MYL12A: variants seen among roughly 807,000 people sequenced by gnomAD.
The protein encoded by MYL12A is myosin light chain 12A, also known as myosin regulatory light chain 12A.
Under a neutral mutation model 13.3 loss-of-function variants are expected in MYL12A, and 11 were observed. The ratio of observed to expected loss-of-function variants is 0.83; its 90% CI spans 0.52 to 1.37. The LOEUF (loss-of-function observed/expected upper bound fraction) is 1.37. MYL12A is among the 40% of genes most tolerant of loss of function. The pLI is 0.00. For missense variants in MYL12A, 146 were observed against 212.3 expected (o/e 0.69, Z 1.94); for synonymous variants, 51 against 69.9 (o/e 0.73, Z 1.35).
chr18:3,254,100 G>A (rs1182459207), intron 3 of MYL12A, 50 bp downstream of exon 3: 3 of 1,570,838 alleles, frequency 1.9e-6, no homozygotes, highest in Non-Finnish European at 1.7e-6. Flanking sequence ...TTTTAGTTAT[G>A]GTAACTAAAA....
At position 3,248,610 on chromosome 18, in the gene MYL12A, T is replaced by G. The variant is rs372824562; in HGVS notation, c.-16+701T>G. 82 of 152,376 alleles carry G rather than the reference T, an allele frequency of 5.4e-4. 1 individual carries two copies. The highest frequency in any genetic ancestry group is 1.9e-3 in the African/African-American group (77 of 41,594). 9.4% of individuals were successfully genotyped at this position (152,376 alleles called of 1,614,324 possible). A position where few individuals can be genotyped will look rare whatever the true frequency, so the allele number is the denominator to read the frequency against. ...AACTTAAGTGCAAAAAGTTTCATATTTAAAGGCGAATAAAGCGAATATTTC... is the reference window on the plus strand; with the variant it reads ...AACTTAAGTGCAAAAAGTTTCATATGTAAAGGCGAATAAAGCGAATATTTC... On this transcript the variant is annotated intron_variant, in intron 1 of 3. Coordinates refer to ENST00000217652, the MANE Select transcript of MYL12A (RefSeq NM_006471.4).
rs756281782 is a variant in MYL12A at position 3,252,286 on chromosome 18, G to A, written c.-15-947G>A. The A allele has an allele frequency of 2.0e-6, 3 of 1,522,372 alleles. No homozygotes were observed. The South Asian group carries it at 3.6e-5, about 18-fold the overall frequency. The allele number at this position is 1,522,372 out of a possible 1,614,324, so 94.3% of individuals were successfully genotyped here. On this transcript the variant is annotated intron_variant, in intron 1 of 3. Coordinates refer to ENST00000217652, the MANE Select transcript of MYL12A (RefSeq NM_006471.4). ...AGTGTCTTACTTTTGCTGCTGAGCG[G>A]TTTTGCAGACTACCATCTTCCCTGC...
chr18:3,253,916 A>G lies in MYL12A; in HGVS notation c.209A>G (p.Asp70Gly). The G allele has an allele frequency of 6.2e-7, 1 of 1,610,514 alleles. No homozygotes were observed. The highest frequency in any genetic ancestry group is 8.5e-7 in the Non-Finnish European group (1 of 1,179,182). ...LGKNPTDEYL[D>G]AMMNEAPGPI... ...AAGAATCCAACTGATGAGTATCTAGATGCCATGATGAATGAGGCTCCAGGC... is the reference window on the plus strand; with the variant it reads ...AAGAATCCAACTGATGAGTATCTAGGTGCCATGATGAATGAGGCTCCAGGC... The change falls in exon 3 of 4, where the codon GAT becomes GGT. Residue 70 changes from aspartate (D) to glycine (G), a missense_variant. Coordinates refer to ENST00000217652, the MANE Select transcript of MYL12A (RefSeq NM_006471.4).
intron 2 of MYL12A, 111 bp downstream of exon 2, chr18:3,253,539 G>T: frequency 7.5e-7 from 1 of 1,341,028 alleles, no homozygotes; most frequent in Non-Finnish European, 1.0e-6. Flanking sequence ...GTCTACTAAG[G>T]TTTGAGTAAA....
At chr18:3,253,748 TC>T (rs1567984411) in intron 2 of MYL12A, 140 bp from the exon 3 acceptor site, 2 of 962,532 alleles carry the variant, frequency 2.1e-6, no homozygotes, top group Non-Finnish European at 1.5e-6. Context: ...AAGAAAACTT[TC>T]CCCCCAAATA....
At chr18:3,248,461 A>AT (rs1005240075) in intron 1 of MYL12A, 4 of 152,148 alleles carry the variant, frequency 2.6e-5, no homozygotes, top group Admixed American at 2.6e-4. Flanking sequence ...ACCTTGTCCC[A>AT]TTTGGGGGGA....
In MYL12A at chr18:3,256,005, T is replaced by A; in HGVS notation, c.*87T>A. 3 of 1,497,640 alleles carry A rather than the reference T, an allele frequency of 2.0e-6. No individual in the cohort carries two copies. Among genetic ancestry groups the A allele is most frequent in the Non-Finnish European group, 2.7e-6 (3 of 1,108,740 alleles). The allele number at this position is 1,497,640 out of a possible 1,614,324, so 92.8% of individuals were successfully genotyped here. A position where few individuals can be genotyped will look rare whatever the true frequency, so the allele number is the denominator to read the frequency against. On this transcript the variant is annotated 3_prime_UTR_variant, in exon 4 of 4. Transcript: ENST00000217652. ...CTTGCATGCCCTTAGCTTTACAGCTTTTGCATTTCCTGTTGTATTTATTCT... is the reference window on the plus strand; with the variant it reads ...CTTGCATGCCCTTAGCTTTACAGCTATTGCATTTCCTGTTGTATTTATTCT...
At chr18:3,253,585 A>AT in intron 2 of MYL12A, 157 bp downstream of exon 2, 1 of 937,000 alleles carries the variant, frequency 1.1e-6, no homozygotes, top group Non-Finnish European at 1.6e-6. Context: ...TCACCAGCAG[A>AT]TTCGTGACCC....
intron 1 of MYL12A, 52 bp from the exon 2 acceptor site, chr18:3,253,181 A>C: frequency 6.5e-7 from 1 of 1,530,102 alleles, no homozygotes; most frequent in Non-Finnish European, 8.9e-7. Context: ...ATTCAAACTT[A>C]AGTAATCTTA....
Position 3,253,373 on chromosome 18 carries a change from G to C in MYL12A, c.126G>C (p.Gln42His), listed in dbSNP as rs748734702. 6.2e-7 allele frequency: 1 copy of C among 1,613,904 alleles called. No homozygotes were observed. Among genetic ancestry groups the C allele is most frequent in the Admixed American group, 1.7e-5 (1 of 60,016 alleles). The part of the protein sequence containing the change: ...EFKEAFNMID[Q>H]NRDGFIDKED... ...AAGAGGCCTTCAACATGATTGATCAGAACAGAGATGGTTTCATCGACAAGG... is the reference window on the plus strand; with the variant it reads ...AAGAGGCCTTCAACATGATTGATCACAACAGAGATGGTTTCATCGACAAGG... The change falls in exon 2 of 4, where the codon CAG (glutamine) becomes CAC (histidine). Residue 42 changes from glutamine to histidine, a missense_variant. Physicochemically the swap from Gln to His is conservative, Grantham distance 24 (BLOSUM62 0). Transcript: ENST00000217652.
chr18:3,249,304 C>A (rs1173665849), intron 1 of MYL12A: 3 of 152,046 alleles, frequency 2.0e-5, no homozygotes, highest in Non-Finnish European at 4.4e-5. Context: ...CTATTTCTCC[C>A]ACCTATTAAT....
intron 1 of MYL12A, 31 bp from the exon 2 acceptor site, chr18:3,253,202 T>C: frequency 2.6e-6 from 4 of 1,564,470 alleles, no homozygotes; most frequent in Non-Finnish European, 3.5e-6. Flanking sequence ...GATGTTGATT[T>C]GGTTTTTATT....
In MYL12A at chr18:3,253,389, A is replaced by G. The variant is rs2144329767; in HGVS notation, c.142A>G (p.Ile48Val). ...NMIDQNRDGFIDKEDLHDMLA... is the reference protein window; with the variant it reads ...NMIDQNRDGFVDKEDLHDMLA... ...GATTGATCAGAACAGAGATGGTTTC[A>G]TCGACAAGGAAGATTTGCATGATAT... The change falls in exon 2 of 4, where the codon ATC (isoleucine) becomes GTC (valine). Residue 48 changes from isoleucine (I) to valine (V), a missense_variant. By Grantham distance (29) the Ile-to-Val change is conservative (BLOSUM62 3). Transcript: ENST00000217652. 1 of 1,613,792 alleles carries G rather than the reference A, an allele frequency of 6.2e-7. No homozygotes were observed. Among genetic ancestry groups the G allele is most frequent in the Non-Finnish European group, 8.5e-7 (1 of 1,179,750 alleles).
At position 3,253,196 on chromosome 18, in the gene MYL12A, T is replaced by C. The variant is rs1269654921; in HGVS notation, c.-15-37T>C. 2.6e-6 allele frequency: 4 copies of C among 1,557,622 alleles called. No homozygotes were observed. The Admixed American group carries it at 7.7e-5, about 30-fold the overall frequency. Reference sequence around the variant, plus strand: ...ATTCAAACTTAAGTAATCTTAGATGTTGATTTGGTTTTTATTGTATTTCCT... The same window carrying C: ...ATTCAAACTTAAGTAATCTTAGATGCTGATTTGGTTTTTATTGTATTTCCT... On this transcript the variant is annotated intron_variant, in intron 1 of 3. Transcript: ENST00000217652.
At chr18:3,253,835 T>C in intron 2 of MYL12A, 54 bp from the exon 3 acceptor site, 1 of 1,507,102 alleles carries the variant, frequency 6.6e-7, no homozygotes, top group Non-Finnish European at 9.0e-7. Flanking sequence ...CTGTCATTAA[T>C]AGTTGATATG....
chr18:3,251,858 G>A (rs533252865), intron 1 of MYL12A, among the ~76,000 whole-genome samples: 1 of 152,200 alleles, frequency 6.6e-6, no homozygotes, highest in South Asian at 2.1e-4. Context: ...GTTGCCATAC[G>A]GTGCTGTATT....
At chr18:3,253,767 T>C (rs147498969) in intron 2 of MYL12A, 122 bp from the exon 3 acceptor site, 5 of 1,126,252 alleles carry the variant, frequency 4.4e-6, no homozygotes, top group Non-Finnish European at 3.7e-6. Context: ...ATAGTTTCAC[T>C]CTCATGAGTG....
chr18:3,250,028 A>G (rs1415566921), intron 1 of MYL12A: 1 of 142,610 alleles, frequency 7.0e-6, no homozygotes. Flanking sequence ...TTGACATGAA[A>G]TCTTTTCAAT....
chr18:3,256,143 A>G lies in MYL12A; in HGVS notation c.*225A>G, dbSNP rs2081536091. On this transcript the variant is annotated 3_prime_UTR_variant, in exon 4 of 4. Transcript: ENST00000217652. Reference sequence around the variant, plus strand: ...TTTAACCTACCAGCCCTTCTCCCCCAATAACTGTGGTCTATACAGAGTCAA... The same window carrying G: ...TTTAACCTACCAGCCCTTCTCCCCCGATAACTGTGGTCTATACAGAGTCAA... The G allele has an allele frequency of 3.4e-6, 2 of 580,256 alleles. No homozygotes were observed. The highest frequency in any genetic ancestry group is 5.9e-6 in the Non-Finnish European group (2 of 336,206). The allele number at this position is 580,256 out of a possible 1,614,324, so 35.9% of individuals were successfully genotyped here.
Sources: allele counts gnomAD v4.1 joint callset (sites outside exome capture counted in the v4.1 genomes callset), GRCh38; gene constraint gnomAD v4.1.1; transcripts MANE v1.5; gene names NCBI Gene and HGNC (gene_info 2026-07-23, HGNC 2026-07-21).